RGS3: variants seen among roughly 807,000 people sequenced by gnomAD.
RGS3 encodes regulator of G protein signaling 3, also known as regulator of G-protein signalling 3.
RGS3 carries 80 observed loss-of-function variants against 132.6 expected under a neutral mutation model. That is an observed-to-expected ratio of 0.60 (90% CI 0.50 to 0.73). RGS3 has a LOEUF of 0.73. Among genes scored for constraint, RGS3 ranks in the 30% least tolerant of loss-of-function variants. The pLI, the probability that RGS3 is intolerant of heterozygous loss-of-function variation, is 0.00. For synonymous variants in RGS3, 598 were observed against 620.6 expected (o/e 0.96, Z 0.54); for missense variants, 1,382 against 1,530.8 (o/e 0.90, Z 1.62).
At position 113,463,961 on chromosome 9, in the gene RGS3, A is replaced by G. The variant is rs1026606013; in HGVS notation, c.415+1760A>G. ...CAGAAACGCAGCCCCTCGTGGTGACAGGGGAGGCTGGGAGCAGGTGCTCTT... is the reference window on the plus strand; with the variant it reads ...CAGAAACGCAGCCCCTCGTGGTGACGGGGGAGGCTGGGAGCAGGTGCTCTT... On this transcript the variant is annotated intron_variant, in intron 3 of 24. Transcript: ENST00000350696. The surrounding 1 kb of genome is among the most constrained non-coding windows in gnomAD (Gnocchi z 4.6). 2 of 1,482,130 alleles carry G rather than the reference A, an allele frequency of 1.3e-6. No homozygotes were observed. The highest frequency in any genetic ancestry group is 1.9e-6 in the Non-Finnish European group (2 of 1,079,220). 91.8% of individuals were successfully genotyped at this position (1,482,130 alleles called of 1,614,324 possible).
intron 1 of RGS3, among the ~76,000 whole-genome samples, chr9:113,447,439 T>C (rs1829139580): frequency 6.9e-6 from 1 of 145,594 alleles, no homozygotes; most frequent in Non-Finnish European, 1.5e-5. Context: ...TAATTAGAAT[T>C]CCCTATATTT....
intron 18 of RGS3, 125 bp from the exon 17 acceptor site, chr9:113,536,671 T>C (rs1832689713): frequency 1.3e-6 from 2 of 1,504,702 alleles, no homozygotes; most frequent in Admixed American, 4.1e-5. Flanking sequence ...TTGCGGCTTT[T>C]GGCGGACACT....
intron 3 of RGS3, among the ~76,000 whole-genome samples, chr9:113,478,428 G>A (rs1326912760): frequency 6.6e-6 from 1 of 152,028 alleles, no homozygotes; most frequent in Non-Finnish European, 1.5e-5. Context: ...AGGGATCACT[G>A]TTTTTAATTT....
In RGS3 at chr9:113,450,338, T is replaced by C. The variant is rs533846874; in HGVS notation, c.-13+5411T>C. On this transcript the variant is annotated intron_variant, in intron 1 of 25. Coordinates refer to the RGS3 transcript ENST00000374140. ...CACCCGCCTTGGCCTCCCAAAGTGC[T>C]GGGATTACAGGCATGAGCCACCGTG... Among the ~76,000 whole-genome samples, 30 of 152,332 alleles carry C rather than the reference T, an allele frequency of 2.0e-4. No homozygotes were observed. The East Asian group carries it at 5.6e-3, about 28-fold the overall frequency.
At chr9:113,500,380 G>A (rs550566707) in intron 10 of RGS3, among the ~76,000 whole-genome samples, 3 of 152,330 alleles carry the variant, frequency 2.0e-5, no homozygotes, top group African/African-American at 7.2e-5. Flanking sequence ...AAGGACTTGA[G>A]TGTGTGGCTG....
intron 13 of RGS3, 76 bp from the exon 12 acceptor site, chr9:113,508,465 C>T: frequency 6.4e-7 from 1 of 1,569,132 alleles, no homozygotes; most frequent in African/African-American, 1.3e-5. Context: ...CCCTGGGGCC[C>T]CCGTGTCCAG....
chr9:113,541,857 A>T (rs1832916902), intron 19 of RGS3: 1 of 987,518 alleles, frequency 1.0e-6, no homozygotes, highest in African/African-American at 1.7e-5. Context: ...ACCTGTACAC[A>T]TTGGCTCATT....
At chr9:113,496,389 C>T (rs747098773) in intron 8 of RGS3, among the ~76,000 whole-genome samples, 5 of 152,104 alleles carry the variant, frequency 3.3e-5, no homozygotes, top group African/African-American at 4.8e-5. Flanking sequence ...CACTGGACTC[C>T]CCAAACTGGA....
chr9:113,527,249 C>A (rs576913452), intron 17 of RGS3, among the ~76,000 whole-genome samples: 2 of 152,354 alleles, frequency 1.3e-5, no homozygotes, highest in South Asian at 4.1e-4. Flanking sequence ...TATTTCCCTG[C>A]AGCTCTCATC....
chr9:113,541,878 A>G (rs918565797), intron 19 of RGS3: 2 of 986,210 alleles, frequency 2.0e-6, no homozygotes, highest in African/African-American at 1.7e-5. Context: ...CATTCGATGG[A>G]TATTTCGGGT....
rs535557481 is a variant in RGS3, at chr9:113,553,385, G to C, written c.2037+16467G>C. ...TTGAGCCTGAGAGGCCAAGGCTGCAGTGAGCTGTGATCACACCACTGCACT... is the reference window on the plus strand; with the variant it reads ...TTGAGCCTGAGAGGCCAAGGCTGCACTGAGCTGTGATCACACCACTGCACT... On this transcript the variant is annotated intron_variant, in intron 19 of 24. Transcript: ENST00000350696. 2.4e-4 allele frequency among the ~76,000 whole-genome samples: 33 copies of C among 137,876 alleles called. No homozygotes were observed. In the East Asian group the frequency reaches 6.0e-3, roughly 25 times the overall value. The allele number at this position is 137,876 out of a possible 152,430, so 90.5% of individuals were successfully genotyped here.
Position 113,463,218 on chromosome 9 carries a change from T to G in RGS3, c.415+1017T>G, listed in dbSNP as rs1829517121. On this transcript the variant is annotated intron_variant, in intron 3 of 24. Transcript: ENST00000350696. The surrounding 1 kb of genome is among the most constrained non-coding windows in gnomAD (Gnocchi z 4.6). ...TTGTTCAAGAGGAGGCTCAAGAGAG[T>G]GATCCAGGATGCAGGGTTTGGGAAG... Among the ~76,000 whole-genome samples the G allele has an allele frequency of 6.6e-6, 1 of 152,072 alleles. No homozygotes were observed.
rs116154962 is a variant in RGS3 at position 113,476,143 on chromosome 9, G to T, written c.416-3348G>T. Among the ~76,000 whole-genome samples the T allele has an allele frequency of 3.9e-3, 599 of 152,260 alleles. 3 individuals are homozygous for T. Among genetic ancestry groups the T allele is most frequent in the African/African-American group, 0.013 (552 of 41,552 alleles). On this transcript the variant is annotated intron_variant, in intron 3 of 24. Coordinates refer to ENST00000350696, the Ensembl canonical transcript of RGS3. ...GAGAAAAGCTGTGGCACCTGGTGCTGTCCCCGATGGTTCTCTCTACCTCTG... is the reference window on the plus strand; with the variant it reads ...GAGAAAAGCTGTGGCACCTGGTGCTTTCCCCGATGGTTCTCTCTACCTCTG...
intron 21 of RGS3, chr9:113,593,733 C>T: frequency 1.6e-6 from 1 of 617,196 alleles, no homozygotes; most frequent in Non-Finnish European, 2.9e-6. Flanking sequence ...TCCTTTCTTG[C>T]CAGCAGTTTC....
chr9:113,500,012 G>A (rs975904108), intron 10 of RGS3, among the ~76,000 whole-genome samples: 57 of 152,050 alleles, frequency 3.7e-4, no homozygotes, highest in Admixed American at 3.0e-3. Flanking sequence ...GGCCTCCCTC[G>A]TGATTCATGG....
At chr9:113,479,603 G>T in intron 4 of RGS3, 62 bp downstream of exon 2, 3 of 1,525,228 alleles carry the variant, frequency 2.0e-6, no homozygotes, top group South Asian at 1.1e-5. Flanking sequence ...TGCTGCCTGG[G>T]GCTGGGGTTG....
chr9:113,460,238 T>C, upstream of RGS3: 1 of 1,210,116 alleles, frequency 8.3e-7, no homozygotes, highest in Non-Finnish European at 1.1e-6. Flanking sequence ...AATTTTCTCC[T>C]GGCCAGGCGC....
chr9:113,540,380 A>T (rs1212957887), intron 19 of RGS3, among the ~76,000 whole-genome samples: 1 of 152,186 alleles, frequency 6.6e-6, no homozygotes, highest in African/African-American at 2.4e-5. Context: ...ATCCTTTGGG[A>T]TCACAGAGAT....
At chr9:113,553,661 G>GC (rs1319994158) in intron 19 of RGS3, among the ~76,000 whole-genome samples, 1 of 151,388 alleles carries the variant, frequency 6.6e-6, no homozygotes, top group African/African-American at 2.4e-5. Flanking sequence ...GGCCAACATG[G>GC]CGAAAGCCCA....
Sources: allele counts gnomAD v4.1 joint callset (sites outside exome capture counted in the v4.1 genomes callset), GRCh38; gene constraint gnomAD v4.1.1; non-coding constraint Gnocchi (gnomAD v3.1); transcripts MANE v1.5; gene names NCBI Gene and HGNC (gene_info 2026-07-23, HGNC 2026-07-21).